The following MXI1 variants were observed in gnomAD, a reference collection of about 807,000 sequenced individuals.
The protein encoded by MXI1 is MAX interactor 1, dimerization protein.
MXI1 carries 18 observed loss-of-function variants against 36.9 expected under a neutral mutation model. That is an observed-to-expected ratio of 0.49 (90% CI 0.34 to 0.72). MXI1 has a LOEUF of 0.72. MXI1 is among the 30% of genes least tolerant of loss of function. The pLI is 0.01. For missense variants in MXI1, 304 were observed against 379.1 expected (o/e 0.80, Z 1.64); for synonymous variants, 160 against 146.7 (o/e 1.09, Z -0.65).
intron 2 of MXI1, among the ~76,000 whole-genome samples, chr10:110,240,338 A>C (rs1184622179): frequency 6.6e-6 from 1 of 152,044 alleles, no homozygotes; most frequent in Non-Finnish European, 1.5e-5. Flanking sequence ...TGTAAGTTTT[A>C]AGGAAAAAGG....
At chr10:110,275,888 A>C (rs1857011489) in intron 3 of MXI1, among the ~76,000 whole-genome samples, 1 of 152,182 alleles carries the variant, frequency 6.6e-6, no homozygotes, top group African/African-American at 2.4e-5. Context: ...GAGATATCTC[A>C]GGGTATATTT....
At chr10:110,209,398 T>C (rs1854450530) in intron 1 of MXI1, among the ~76,000 whole-genome samples, 1 of 151,800 alleles carries the variant, frequency 6.6e-6, no homozygotes, top group African/African-American at 2.4e-5. Flanking sequence ...CTTGCAACCT[T>C]CCCCCCACCC....
chr10:110,252,338 A>G (rs1293423802), intron 3 of MXI1, among the ~76,000 whole-genome samples: 4 of 152,142 alleles, frequency 2.6e-5, no homozygotes, highest in Non-Finnish European at 4.4e-5. Context: ...TCTCACTACA[A>G]TTAGATAAAA....
At chr10:110,225,957 C>A in intron 1 of MXI1, 1 of 933,516 alleles carries the variant, frequency 1.1e-6, no homozygotes, top group Non-Finnish European at 1.3e-6. Flanking sequence ...CGGGCCCCGG[C>A]GCTGCTCCCG....
intron 2 of MXI1, among the ~76,000 whole-genome samples, chr10:110,231,908 C>T (rs892927925): frequency 1.3e-5 from 2 of 152,152 alleles, no homozygotes; most frequent in African/African-American, 2.4e-5. Context: ...TCCTCCTAAT[C>T]TCAGCTACCA....
chr10:110,242,593 A>G (rs1384073750), intron 2 of MXI1, among the ~76,000 whole-genome samples: 1 of 152,054 alleles, frequency 6.6e-6, no homozygotes, highest in Non-Finnish European at 1.5e-5. Flanking sequence ...GAAAAGGTTC[A>G]TAATCTTAGC....
At chr10:110,210,618 A>G (rs1462576854) in intron 1 of MXI1, among the ~76,000 whole-genome samples, 5 of 152,028 alleles carry the variant, frequency 3.3e-5, no homozygotes, top group African/African-American at 9.7e-5. Flanking sequence ...GAAGCGGTCC[A>G]CGGGGGCCAC....
chr10:110,234,827 C>T (rs1855398791), intron 2 of MXI1, among the ~76,000 whole-genome samples: 1 of 152,118 alleles, frequency 6.6e-6, no homozygotes, highest in Non-Finnish European at 1.5e-5. Context: ...TCAAAATTCT[C>T]TGTAGTTTCT....
At chr10:110,282,941 G>A (rs1857307557) in intron 5 of MXI1, among the ~76,000 whole-genome samples, 1 of 152,084 alleles carries the variant, frequency 6.6e-6, no homozygotes, top group African/African-American at 2.4e-5. Flanking sequence ...GCTTCCCAAA[G>A]TGCTGGGATT....
chr10:110,256,107 A>C (rs778579479), intron 3 of MXI1, among the ~76,000 whole-genome samples: 44 of 152,326 alleles, frequency 2.9e-4, no homozygotes, highest in Non-Finnish European at 3.2e-4. Flanking sequence ...ACCTACATAC[A>C]AAATAATGAG....
intron 1 of MXI1, among the ~76,000 whole-genome samples, chr10:110,224,891 G>A (rs1341430071): frequency 6.6e-6 from 1 of 151,960 alleles, no homozygotes; most frequent in Non-Finnish European, 1.5e-5. Context: ...CAGGTGATCC[G>A]CCCACCTCAG....
intron 1 of MXI1, among the ~76,000 whole-genome samples, chr10:110,221,155 C>T (rs1271543154): frequency 6.6e-6 from 1 of 152,156 alleles, no homozygotes; most frequent in Non-Finnish European, 1.5e-5. Flanking sequence ...AAAAAAACAG[C>T]ATTTGGATCC....
At chr10:110,265,840 G>A (rs1856661717) in intron 3 of MXI1, among the ~76,000 whole-genome samples, 1 of 152,130 alleles carries the variant, frequency 6.6e-6, no homozygotes. Flanking sequence ...TTCTCTCTTG[G>A]AGTTTGCCGT....
intron 3 of MXI1, among the ~76,000 whole-genome samples, chr10:110,275,544 C>G (rs1856997799): frequency 6.6e-6 from 1 of 152,170 alleles, no homozygotes; most frequent in African/African-American, 2.4e-5. Context: ...TTAACTCTTT[C>G]CAGTTTACAG....
intron 3 of MXI1, among the ~76,000 whole-genome samples, chr10:110,275,000 G>A (rs948737090): frequency 2.8e-4 from 42 of 150,596 alleles, no homozygotes; most frequent in African/African-American, 9.8e-4. Context: ...TCAGCCGACA[G>A]AGTAGCTGGG....
At position 110,286,963 on chromosome 10, in the gene MXI1, T is replaced by C. The variant is rs776463731; in HGVS notation, c.*1976T>C. The C allele has an allele frequency of 2.0e-5, 3 of 152,224 alleles. No individual in the cohort carries two copies. Among genetic ancestry groups the C allele is most frequent in the African/African-American group, 4.8e-5 (2 of 41,470 alleles). 9.4% of individuals were successfully genotyped at this position (152,224 alleles called of 1,614,324 possible). ...GGTAAATTATTTCTGGTTTCACTTA[T>C]AATTACTAATGGCTGAGTCAAGATG... is the stretch of plus-strand genomic sequence containing the variant. On this transcript the variant is annotated 3_prime_UTR_variant, in exon 6 of 6. Coordinates refer to ENST00000332674, the MANE Select transcript of MXI1 (RefSeq NM_130439.3).
chr10:110,270,887 C>T (rs1417069901), intron 3 of MXI1, among the ~76,000 whole-genome samples: 1 of 151,768 alleles, frequency 6.6e-6, no homozygotes, highest in East Asian at 1.9e-4. Flanking sequence ...CTCAGGAGTC[C>T]GAAACCACCC....
At chr10:110,280,745 C>T (rs1174792770) in intron 5 of MXI1, among the ~76,000 whole-genome samples, 4 of 151,818 alleles carry the variant, frequency 2.6e-5, no homozygotes, top group South Asian at 2.1e-4. Context: ...GGAAGATACA[C>T]GATGTCGAAG....
At chr10:110,282,968 G>A (rs1391328459) in intron 5 of MXI1, among the ~76,000 whole-genome samples, 1 of 152,090 alleles carries the variant, frequency 6.6e-6, no homozygotes, top group Non-Finnish European at 1.5e-5. Context: ...GTGAGCCACT[G>A]TGTTGGCCAT....
Sources: gnomAD v4.1 joint callset for allele counts (sites outside exome capture counted in the v4.1 genomes callset) on GRCh38, gnomAD v4.1.1 for gene constraint, MANE v1.5 for transcripts, NCBI Gene and HGNC (gene_info 2026-07-23, HGNC 2026-07-21) for gene names.